Variants in MICAL3 observed in about 807,000 individuals in gnomAD.
The protein encoded by MICAL3 is [F-actin]-monooxygenase MICAL3.
MICAL3 carries 62 observed loss-of-function variants against 207.4 expected under a neutral mutation model. That is an observed-to-expected ratio of 0.30 (90% CI 0.24 to 0.37). The LOEUF is 0.37. Among genes scored for constraint, MICAL3 ranks in the 10% least tolerant of loss-of-function variants. The pLI, the probability that MICAL3 is intolerant of heterozygous loss-of-function variation, is 1.00. For missense variants in MICAL3, 2,368 were observed against 2,635.6 expected, an observed-to-expected ratio of 0.90 and a Z score of 2.22; for synonymous variants, 1,077 against 1,069.3, an observed-to-expected ratio of 1.01 and a Z score of -0.14.
At chr22:17,827,185 C>G (rs5992868) in intron 22 of MICAL3, among the ~76,000 whole-genome samples, 44,351 of 151,412 alleles carry the variant, frequency 0.29, 6,902 homozygotes, top group Non-Finnish European at 0.34. Context: ...GGGCTGGAGA[C>G]GATGCTACTG....
chr22:17,893,774 G>T, intron 11 of MICAL3, 34 bp downstream of exon 11: 4 of 1,450,538 alleles, frequency 2.8e-6, no homozygotes, highest in Non-Finnish European at 2.8e-6. Flanking sequence ...TGAAGGGGCT[G>T]CCTGCATTTT....
At chr22:18,016,583 G>T (rs1041896426) in intron 1 of MICAL3, among the ~76,000 whole-genome samples, 1 of 152,096 alleles carries the variant, frequency 6.6e-6, no homozygotes, top group African/African-American at 2.4e-5. Context: ...TTTCCAGAGT[G>T]TTATATAATT....
In MICAL3 at chr22:17,902,031, G is replaced by T; in HGVS notation, c.590-52C>A. ...GGTCACCACCCAGACCACATTCACA[G>T]CCAGGACCATCTCTAGATACCCAGT... On this transcript the variant is annotated intron_variant, in intron 4 of 31. Coordinates refer to ENST00000441493, the MANE Select transcript of MICAL3 (RefSeq NM_015241.3). This position sits in a 1 kb window ranked among gnomAD's most constrained non-coding sequence, Gnocchi z 4.5. 4.5e-6 allele frequency: 6 copies of T among 1,319,516 alleles called. No homozygotes were observed. The highest frequency in any genetic ancestry group is 6.4e-6 in the Non-Finnish European group (6 of 932,186). 81.7% of individuals were successfully genotyped at this position (1,319,516 alleles called of 1,614,324 possible).
At chr22:17,832,730 C>T (rs1317010840) in intron 20 of MICAL3, among the ~76,000 whole-genome samples, 2 of 151,976 alleles carry the variant, frequency 1.3e-5, no homozygotes, top group Non-Finnish European at 2.9e-5. Flanking sequence ...CTCAGGAGAG[C>T]TGTGGGTGTG....
chr22:17,801,290 C>T, intron 29 of MICAL3, among the ~76,000 whole-genome samples: 1 of 103,032 alleles, frequency 9.7e-6, no homozygotes, highest in Middle Eastern at 4.1e-3. Context: ...GTAGCCGGGA[C>T]TACAGGCGCC....
intron 1 of MICAL3, among the ~76,000 whole-genome samples, chr22:17,981,638 G>A (rs1935912663): frequency 6.6e-6 from 1 of 152,188 alleles, no homozygotes; most frequent in Non-Finnish European, 1.5e-5. Context: ...AACATGACAT[G>A]TGAGCGCAGA....
At chr22:17,886,320 G>T (rs1929865675) in intron 15 of MICAL3, among the ~76,000 whole-genome samples, 2 of 152,260 alleles carry the variant, frequency 1.3e-5, no homozygotes, top group Admixed American at 1.3e-4. Flanking sequence ...TGGTGCACGT[G>T]TGTGCATCCC....
rs148568146 is a variant in MICAL3, at chr22:17,945,279, C to A, written c.-74-38393G>T. Among the ~76,000 whole-genome samples, 120 of 152,280 alleles carry A rather than the reference C, an allele frequency of 7.9e-4. 1 individual carries two copies. The highest frequency in any genetic ancestry group is 2.7e-3 in the African/African-American group (112 of 41,546). ...GGTGGTGGTGTAAAACGACTGCCAG[C>A]CGAGGGCCTGCGTCTCCTTCACCCT... On this transcript the variant is annotated intron_variant, in intron 1 of 31. Transcript: ENST00000441493.
At chr22:17,863,128 C>T in intron 19 of MICAL3, 1 of 985,408 alleles carries the variant, frequency 1.0e-6, no homozygotes, top group Non-Finnish European at 1.2e-6. Flanking sequence ...ACCTGAAACC[C>T]ATTATACTTT....
At chr22:17,950,694 G>A (rs1934304641) in intron 1 of MICAL3, among the ~76,000 whole-genome samples, 1 of 152,146 alleles carries the variant, frequency 6.6e-6, no homozygotes, top group Admixed American at 6.5e-5. Flanking sequence ...CGGTTGCCAG[G>A]ACTTACAGGA....
intron 12 of MICAL3, among the ~76,000 whole-genome samples, chr22:17,889,784 G>C (rs985863257): frequency 6.6e-6 from 1 of 152,146 alleles, no homozygotes; most frequent in Non-Finnish European, 1.5e-5. Flanking sequence ...TCTATCCTGG[G>C]AAATAGGGCG....
chr22:17,880,877 A>ACT (rs1929351698), intron 16 of MICAL3, among the ~76,000 whole-genome samples: 1 of 152,232 alleles, frequency 6.6e-6, no homozygotes, highest in African/African-American at 2.4e-5. Context: ...GGCTGCCTTC[A>ACT]GTGGGGTTTT....
chr22:17,872,673 G>C (rs1275943893), intron 16 of MICAL3: 1 of 927,326 alleles, frequency 1.1e-6, no homozygotes, highest in Non-Finnish European at 1.8e-6. Context: ...CAAGCTATAA[G>C]TGACTCAGCA....
At chr22:17,973,139 C>A (rs958404608) in intron 1 of MICAL3, among the ~76,000 whole-genome samples, 6 of 152,226 alleles carry the variant, frequency 3.9e-5, no homozygotes, top group Admixed American at 1.3e-4. Flanking sequence ...CCTCCTTCAC[C>A]ACCCAGATGG....
At chr22:17,809,887 T>TTTTTTA (rs1569074050) in intron 28 of MICAL3, among the ~76,000 whole-genome samples, 1 of 151,956 alleles carries the variant, frequency 6.6e-6, no homozygotes, top group African/African-American at 2.4e-5. Context: ...CTTCCTTTTT[T>TTTTTTA]TTTTTATTTT....
chr22:17,901,337 G>A (rs950204897), intron 5 of MICAL3, among the ~76,000 whole-genome samples: 2 of 152,164 alleles, frequency 1.3e-5, no homozygotes, highest in African/African-American at 4.8e-5. Context: ...AGCCACTCAA[G>A]GTATGGTTGG....
chr22:17,951,979 G>A lies in MICAL3; in HGVS notation c.-74-45093C>T, dbSNP rs960506370. ...CCCAAAGTGCTGGGATTACAGGCGT[G>A]AGCGACTGTGCCGGGCGTAAAATTT... On this transcript the variant is annotated intron_variant, in intron 1 of 31. Transcript: ENST00000441493. Among the ~76,000 whole-genome samples, 5 of 152,304 alleles carry A rather than the reference G, an allele frequency of 3.3e-5. No homozygotes were observed. In the East Asian group the frequency reaches 5.8e-4, roughly 18 times the overall value.
At chr22:17,945,851 T>A (rs975778942) in intron 1 of MICAL3, among the ~76,000 whole-genome samples, 5 of 151,468 alleles carry the variant, frequency 3.3e-5, no homozygotes, top group African/African-American at 1.2e-4. Flanking sequence ...AGGGATGAGG[T>A]GGGTCACACA....
chr22:17,867,110 A>T (rs1291035183), intron 17 of MICAL3, among the ~76,000 whole-genome samples: 1 of 152,216 alleles, frequency 6.6e-6, no homozygotes, highest in Non-Finnish European at 1.5e-5. Context: ...TGATCTGATT[A>T]TATCTTTCTT....
Sources: allele counts gnomAD v4.1 joint callset (sites outside exome capture counted in the v4.1 genomes callset), GRCh38; gene constraint gnomAD v4.1.1; non-coding constraint Gnocchi (gnomAD v3.1); transcripts MANE v1.5; gene names NCBI Gene and HGNC (gene_info 2026-07-23, HGNC 2026-07-21).